Variants in GFRA1 observed in about 807,000 individuals in gnomAD.
GFRA1 encodes GDNF family receptor alpha 1.
A neutral mutation model predicts 51.6 loss-of-function variants in GFRA1; 16 were observed. The ratio of observed to expected loss-of-function variants is 0.31; its 90% CI spans 0.21 to 0.47. The LOEUF (loss-of-function observed/expected upper bound fraction) is 0.47. Ranked by LOEUF, GFRA1 falls within the 20% of genes least tolerant of loss-of-function variation. The pLI, the probability that GFRA1 is intolerant of heterozygous loss-of-function variation, is 1.00. For synonymous variants in GFRA1, 270 were observed against 241.3 expected, an observed-to-expected ratio of 1.12 and a Z score of -1.10; for missense variants, 530 against 594.3, an observed-to-expected ratio of 0.89 and a Z score of 1.13.
At chr10:116,100,667 C>T (rs960077083) in intron 6 of GFRA1, among the ~76,000 whole-genome samples, 1 of 152,212 alleles carries the variant, frequency 6.6e-6, no homozygotes, top group Non-Finnish European at 1.5e-5. Flanking sequence ...ATTAGGAAGA[C>T]TCTTCGATCT....
At chr10:116,116,274 T>G (rs915375067) in intron 6 of GFRA1, among the ~76,000 whole-genome samples, 2 of 152,168 alleles carry the variant, frequency 1.3e-5, no homozygotes, top group African/African-American at 4.8e-5. Flanking sequence ...ATCCACAAAA[T>G]GGAGGGCTTC....
intron 5 of GFRA1, among the ~76,000 whole-genome samples, chr10:116,127,546 G>T (rs964585423): frequency 6.6e-6 from 1 of 152,228 alleles, no homozygotes; most frequent in Non-Finnish European, 1.5e-5. Context: ...TGGAGTACAG[G>T]AAGTTGGCAG....
At chr10:116,230,080 C>T (rs1032829459) in intron 4 of GFRA1, among the ~76,000 whole-genome samples, 3 of 152,138 alleles carry the variant, frequency 2.0e-5, no homozygotes, top group African/African-American at 7.2e-5. Context: ...CGTAATCACC[C>T]ACCCATTTGA....
chr10:116,140,823 C>T (rs530393906), intron 5 of GFRA1, among the ~76,000 whole-genome samples: 1 of 152,328 alleles, frequency 6.6e-6, no homozygotes, highest in African/African-American at 2.4e-5. Context: ...ACAAGCCCTA[C>T]ATGGTCTTCT....
intron 9 of GFRA1, among the ~76,000 whole-genome samples, chr10:116,070,360 T>G (rs1270295386): frequency 6.6e-6 from 1 of 152,238 alleles, no homozygotes; most frequent in African/African-American, 2.4e-5. Flanking sequence ...AAGTCTCTTC[T>G]GCAGCACAAA....
At chr10:116,068,645 C>T (rs1446088775) in intron 9 of GFRA1, among the ~76,000 whole-genome samples, 1 of 152,154 alleles carries the variant, frequency 6.6e-6, no homozygotes, top group Non-Finnish European at 1.5e-5. Flanking sequence ...CAGAAATCTA[C>T]CTCTGCAGAT....
chr10:116,220,385 C>T lies in GFRA1; in HGVS notation c.419-8740G>A, dbSNP rs144512930. Among the ~76,000 whole-genome samples, 30 of 152,318 alleles carry T rather than the reference C, an allele frequency of 2.0e-4. No homozygotes were observed. In the East Asian group the frequency reaches 5.8e-3, roughly 29 times the overall value. Reference sequence around the variant, plus strand: ...TATCACACATGTATTCCTCAGCCAGCTCTGTGTGATCCAGGTTTTAATCAG... The same window carrying T: ...TATCACACATGTATTCCTCAGCCAGTTCTGTGTGATCCAGGTTTTAATCAG... On this transcript the variant is annotated intron_variant, in intron 4 of 10. Coordinates refer to ENST00000355422, the MANE Select transcript of GFRA1 (RefSeq NM_005264.8).
At chr10:116,122,462 G>T (rs1957686662) in intron 6 of GFRA1, among the ~76,000 whole-genome samples, 1 of 152,082 alleles carries the variant, frequency 6.6e-6, no homozygotes, top group Admixed American at 6.5e-5. Context: ...CTCAGCCTGA[G>T]GCCCTAGACA....
In GFRA1 at chr10:116,118,184, A is replaced by G. The variant is rs548450632; in HGVS notation, c.770+7037T>C. Among the ~76,000 whole-genome samples the G allele has an allele frequency of 7.9e-5, 12 of 152,286 alleles. No individual in the cohort carries two copies. In the South Asian group the frequency reaches 2.1e-3, roughly 26 times the overall value. ...AGTAAAGATTTAGTCAGTACCCTCC[A>G]TGGTGTCCAGTGGGTCTCCCAAATT... On this transcript the variant is annotated intron_variant, in intron 6 of 10. Coordinates refer to ENST00000355422, the MANE Select transcript of GFRA1 (RefSeq NM_005264.8).
At chr10:116,235,018 A>C (rs113666805) in intron 4 of GFRA1, among the ~76,000 whole-genome samples, 22,652 of 152,142 alleles carry the variant, frequency 0.15, 2,076 homozygotes, top group African/African-American at 0.26. Flanking sequence ...CATGATTGTA[A>C]GTTTCCTGAG....
At chr10:116,213,707 T>C (rs1589878433) in intron 4 of GFRA1, among the ~76,000 whole-genome samples, 3 of 152,174 alleles carry the variant, frequency 2.0e-5, no homozygotes, top group South Asian at 2.1e-4. Flanking sequence ...GGCTGAGACA[T>C]GCACCTCATA....
chr10:116,232,930 A>G (rs534136109), intron 4 of GFRA1, among the ~76,000 whole-genome samples: 1 of 152,304 alleles, frequency 6.6e-6, no homozygotes, highest in East Asian at 1.9e-4. Flanking sequence ...CTGACCTTTA[A>G]TTAAATATAG....
chr10:116,218,349 G>A (rs562755747), intron 4 of GFRA1, among the ~76,000 whole-genome samples: 15 of 152,148 alleles, frequency 9.9e-5, no homozygotes, highest in Non-Finnish European at 2.1e-4. Context: ...AACTGTATGG[G>A]GACAGCTGAA....
At chr10:116,138,071 G>A (rs1035725940) in intron 5 of GFRA1, among the ~76,000 whole-genome samples, 1 of 152,168 alleles carries the variant, frequency 6.6e-6, no homozygotes, top group African/African-American at 2.4e-5. Flanking sequence ...AAAGTGCTGG[G>A]ATTACAGGCC....
chr10:116,264,092 C>A (rs1006427799), intron 4 of GFRA1, among the ~76,000 whole-genome samples: 1 of 152,234 alleles, frequency 6.6e-6, no homozygotes, highest in East Asian at 1.9e-4. Flanking sequence ...GCTGGAAATG[C>A]TGGTTTAGCG....
chr10:116,253,902 A>T (rs1968593093), intron 4 of GFRA1, among the ~76,000 whole-genome samples: 1 of 152,120 alleles, frequency 6.6e-6, no homozygotes, highest in African/African-American at 2.4e-5. Context: ...GCCACCAACT[A>T]GCTATGTGGC....
chr10:116,170,746 A>T (rs1210966175), intron 5 of GFRA1, among the ~76,000 whole-genome samples: 1 of 152,226 alleles, frequency 6.6e-6, no homozygotes, highest in Non-Finnish European at 1.5e-5. Context: ...TGTTTATGTA[A>T]ATGTAAACCT....
chr10:116,142,782 T>C (rs1958627115), intron 5 of GFRA1, among the ~76,000 whole-genome samples: 1 of 152,216 alleles, frequency 6.6e-6, no homozygotes, highest in Admixed American at 6.5e-5. Flanking sequence ...AGAAAACCCA[T>C]ATTTATCTAC....
intron 5 of GFRA1, among the ~76,000 whole-genome samples, chr10:116,179,397 A>C (rs541961862): frequency 3.9e-5 from 6 of 152,322 alleles, no homozygotes; most frequent in Admixed American, 3.3e-4. Flanking sequence ...TACACAAATA[A>C]GTTTTCTGAC....
Sources: allele counts gnomAD v4.1 joint callset (sites outside exome capture counted in the v4.1 genomes callset), GRCh38; gene constraint gnomAD v4.1.1; transcripts MANE v1.5; gene names NCBI Gene and HGNC (gene_info 2026-07-23, HGNC 2026-07-21).